SLC26A3: variants seen among roughly 807,000 people sequenced by gnomAD.
SLC26A3 encodes solute carrier family 26 member 3, also known as chloride anion exchanger.
SLC26A3 carries 64 observed loss-of-function variants against 85.6 expected under a neutral mutation model. The ratio of observed to expected loss-of-function variants is 0.75; its 90% CI spans 0.61 to 0.92. The LOEUF (loss-of-function observed/expected upper bound fraction) is 0.92, where lower values mean the gene tolerates loss of function less well. SLC26A3 is among the 40% of genes least tolerant of loss of function. The pLI is 0.00. For synonymous variants in SLC26A3, 349 were observed against 336.0 expected (o/e 1.04, Z -0.42); for missense variants, 922 against 927.3 (o/e 0.99, Z 0.07).
chr7:107,769,102 A>C (rs531201444), intron 18 of SLC26A3, among the ~76,000 whole-genome samples: 2 of 152,226 alleles, frequency 1.3e-5, no homozygotes, highest in Admixed American at 6.5e-5. Flanking sequence ...GTTTTTAATT[A>C]TAAGGAAGCC....
At position 107,776,700 on chromosome 7, in the gene SLC26A3, T is replaced by A. The variant is rs1451621031; in HGVS notation, c.1521A>T (p.Lys507Asn). The change falls in exon 14 of 21, where the codon AAA (lysine) becomes AAT (asparagine). Residue 507 changes from lysine to asparagine, a missense_variant. Coordinates refer to ENST00000340010, the MANE Select transcript of SLC26A3 (RefSeq NM_000111.3). ...LTIVFRTQFP[K>N]CSTLANIGRT... ...TTCCAATATTAGCCAGCGTGCTGCA[T>A]TTTGGACTGTAGGGAGAAAAACACC... 3 of 1,613,450 alleles carry A rather than the reference T, an allele frequency of 1.9e-6. No homozygotes were observed. The highest frequency in any genetic ancestry group is 4.5e-5 in the East Asian group (2 of 44,876).
intron 11 of SLC26A3, among the ~76,000 whole-genome samples, chr7:107,781,348 G>A (rs1438261246): frequency 1.3e-5 from 2 of 152,136 alleles, no homozygotes; most frequent in Non-Finnish European, 2.9e-5. Flanking sequence ...AGTTATTTGG[G>A]TGTTTGAAAC....
At chr7:107,787,320 A>C in intron 7 of SLC26A3, 37 bp downstream of exon 7, 3 of 1,607,402 alleles carry the variant, frequency 1.9e-6, no homozygotes, top group Non-Finnish European at 2.6e-6. Flanking sequence ...TATAAACAGT[A>C]GAGTAGCTAT....
At position 107,791,038 on chromosome 7, in the gene SLC26A3, A is replaced by G. The variant is rs778031445; in HGVS notation, c.570+10T>C. ...ATTGAGGTGGGCAAGTTACATGAGA[A>G]GGTGCTCACCTGGATGATTCCAGAA... On this transcript the variant is annotated intron_variant, in intron 5 of 20. Coordinates refer to ENST00000340010, the MANE Select transcript of SLC26A3 (RefSeq NM_000111.3). The G allele has an allele frequency of 1.2e-6, 2 of 1,613,110 alleles. No homozygotes were observed. Among genetic ancestry groups the G allele is most frequent in the African/African-American group, 2.7e-5 (2 of 75,020 alleles).
At chr7:107,784,343 T>C (rs1794257231) in intron 8 of SLC26A3, among the ~76,000 whole-genome samples, 1 of 152,224 alleles carries the variant, frequency 6.6e-6, no homozygotes, top group Non-Finnish European at 1.5e-5. Context: ...GACAGAATGA[T>C]GTGATGAAGA....
intron 3 of SLC26A3, among the ~76,000 whole-genome samples, chr7:107,793,356 G>A (rs1317739235): frequency 1.3e-5 from 2 of 152,138 alleles, no homozygotes; most frequent in Admixed American, 6.5e-5. Flanking sequence ...TTCATCAACC[G>A]ATGAGCAGAT....
At position 107,790,763 on chromosome 7, in the gene SLC26A3, TC is replaced by T. The variant is rs539946421; in HGVS notation, c.570+284del. On this transcript the variant is annotated intron_variant, in intron 5 of 20. Transcript: ENST00000340010. ...TATGCTGTTTCTTGACTCTATCAAT[TC>T]CCAGATATATGTTGAAGCATTTCGC... Among the ~76,000 whole-genome samples the T allele has an allele frequency of 2.3e-4, 35 of 152,138 alleles. 1 individual carries two copies. The East Asian group carries it at 6.8e-3, about 30-fold the overall frequency.
Position 107,783,012 on chromosome 7 carries a change from CTGA to C in SLC26A3, c.1198_1200del (p.Ser400del), listed in dbSNP as rs1222835772. 6.2e-7 allele frequency: 1 copy of C among 1,614,068 alleles called. No individual in the cohort carries two copies. Among genetic ancestry groups the C allele is most frequent in the Non-Finnish European group, 8.5e-7 (1 of 1,180,014 alleles). ...TTGCCTCCTGTGCTCTCCTGAACTGCTGATCTGGAGAGGGCAGTACTCCCAGCA... is the reference window on the plus strand; with the variant it reads ...TTGCCTCCTGTGCTCTCCTGAACTGCTCTGGAGAGGGCAGTACTCCCAGCA... On this transcript the variant is annotated inframe_deletion, in exon 10 of 21. Transcript: ENST00000340010.
At chr7:107,771,078 C>G (rs1794022428) in intron 18 of SLC26A3, among the ~76,000 whole-genome samples, 1 of 152,020 alleles carries the variant, frequency 6.6e-6, no homozygotes, top group South Asian at 2.1e-4. Flanking sequence ...GATTAAAGTT[C>G]TGGAAATGGA....
chr7:107,796,863 C>T (rs1366570422), intron 1 of SLC26A3, among the ~76,000 whole-genome samples: 2 of 151,894 alleles, frequency 1.3e-5, no homozygotes, highest in East Asian at 3.9e-4. Flanking sequence ...AGATTCTGCT[C>T]TTTGCTTGCT....
chr7:107,781,626 C>G (rs1348393054), intron 11 of SLC26A3, among the ~76,000 whole-genome samples: 1 of 151,984 alleles, frequency 6.6e-6, no homozygotes, highest in Non-Finnish European at 1.5e-5. Flanking sequence ...CCTTTTATGC[C>G]ACTTATTTTG....
At chr7:107,792,894 C>T (rs140234279) in intron 3 of SLC26A3, among the ~76,000 whole-genome samples, 1 of 152,226 alleles carries the variant, frequency 6.6e-6, no homozygotes, top group Non-Finnish European at 1.5e-5. Flanking sequence ...AACTCCACAA[C>T]AAAAAGACAA....
chr7:107,793,605 G>T, intron 3 of SLC26A3, 137 bp downstream of exon 3: 1 of 666,642 alleles, frequency 1.5e-6, no homozygotes, highest in Non-Finnish European at 2.6e-6. Flanking sequence ...TTTAGGGGTT[G>T]GTGGTGGTGA....
At chr7:107,797,514 G>T (rs924743853) in intron 1 of SLC26A3, among the ~76,000 whole-genome samples, 48 of 151,756 alleles carry the variant, frequency 3.2e-4, no homozygotes, top group African/African-American at 1.1e-3. Flanking sequence ...GAAAAGAAAA[G>T]AAATCTTTCC....
intron 3 of SLC26A3, 41 bp from the exon 4 acceptor site, chr7:107,791,981 A>T (rs1286485435): frequency 8.5e-7 from 1 of 1,176,916 alleles, no homozygotes; most frequent in Non-Finnish European, 1.3e-6. Flanking sequence ...TCTGTGCAAG[A>T]GGAATCAAAG....
Position 107,793,761 on chromosome 7 carries a change from C to T in SLC26A3, c.252G>A (p.Gly84=). ...LSDIVSGIST[G]IVAVLQGLAF... ...TTTTACCTTGTAGTACGGCCACAATCCCTGTGCTGATACCAGAAACAATAT... is the reference window on the plus strand; with the variant it reads ...TTTTACCTTGTAGTACGGCCACAATTCCTGTGCTGATACCAGAAACAATAT... Residue 84 remains glycine (G), a synonymous_variant, in exon 3 of 21, where the codon GGG becomes GGA. Transcript: ENST00000340010. 6.2e-7 allele frequency: 1 copy of T among 1,614,026 alleles called. No individual in the cohort carries two copies. Among genetic ancestry groups the T allele is most frequent in the Non-Finnish European group, 8.5e-7 (1 of 1,179,952 alleles).
chr7:107,802,154 A>T (rs1355344069), intron 1 of SLC26A3, among the ~76,000 whole-genome samples: 1 of 151,976 alleles, frequency 6.6e-6, no homozygotes, highest in Non-Finnish European at 1.5e-5. Flanking sequence ...CAGTTTTTCC[A>T]AATGACTAAC....
Position 107,776,553 on chromosome 7 carries a change from C to T in SLC26A3, c.1585-9G>A, listed in dbSNP as rs759216041. 4 of 1,612,862 alleles carry T rather than the reference C, an allele frequency of 2.5e-6. No homozygotes were observed. In the Admixed American group the frequency reaches 6.7e-5, roughly 27 times the overall value. ...CCTTCTGGCTCATACATCTGTAAGG[C>T]AGAGAAGCATTGTTAGGTGTTGCCC... is the stretch of plus-strand genomic sequence containing the variant. On this transcript the variant is annotated splice_polypyrimidine_tract_variant and intron_variant, in intron 14 of 20. Coordinates refer to ENST00000340010, the MANE Select transcript of SLC26A3 (RefSeq NM_000111.3).
At chr7:107,781,604 G>T (rs1339817044) in intron 11 of SLC26A3, among the ~76,000 whole-genome samples, 1 of 152,108 alleles carries the variant, frequency 6.6e-6, no homozygotes, top group Non-Finnish European at 1.5e-5. Flanking sequence ...CTTTAGTGGT[G>T]ACTTTTTCAT....
Sources: allele counts gnomAD v4.1 joint callset (sites outside exome capture counted in the v4.1 genomes callset), GRCh38; gene constraint gnomAD v4.1.1; transcripts MANE v1.5; gene names NCBI Gene and HGNC (gene_info 2026-07-23, HGNC 2026-07-21).